Variants in CDH19 observed in about 807,000 individuals in gnomAD.
CDH19 encodes the protein cadherin 19.
In CDH19, 67 loss-of-function variants were observed where a neutral mutation model predicts 64.2. The observed-to-expected ratio is 1.04, with a 90% CI of 0.86 to 1.28. The LOEUF (loss-of-function observed/expected upper bound fraction) is 1.28. Among genes scored for constraint, CDH19 ranks in the 50% most tolerant of loss-of-function variants. CDH19 has a pLI of 0.00. For missense variants in CDH19, 1,030 were observed against 929.0 expected (o/e 1.11, Z -1.41); for synonymous variants, 346 against 319.3 (o/e 1.08, Z -0.89).
intron 9 of CDH19, among the ~76,000 whole-genome samples, chr18:66,512,433 T>A (rs1985535849): frequency 6.6e-6 from 1 of 151,502 alleles, no homozygotes; most frequent in Non-Finnish European, 1.5e-5. Flanking sequence ...TTAAAGTAAA[T>A]TGATTATAGA....
At chr18:66,554,579 C>A in intron 3 of CDH19, 55 bp from the exon 4 acceptor site, 1 of 1,512,016 alleles carries the variant, frequency 6.6e-7, no homozygotes, top group African/African-American at 1.4e-5. Context: ...AGGATGAATT[C>A]AGTTCTGTGA....
chr18:66,533,087 G>A (rs1160733788), intron 8 of CDH19, among the ~76,000 whole-genome samples: 1 of 151,930 alleles, frequency 6.6e-6, no homozygotes, highest in African/African-American at 2.4e-5. Flanking sequence ...TTCTACCTTT[G>A]AGGGGAGGTT....
chr18:66,575,766 T>C (rs1229854665), intron 1 of CDH19, among the ~76,000 whole-genome samples: 1 of 151,656 alleles, frequency 6.6e-6, no homozygotes, highest in African/African-American at 2.4e-5. Flanking sequence ...TATGCAAAAA[T>C]AGAATCACCA....
At chr18:66,510,381 A>G (rs1008783153) in intron 10 of CDH19, among the ~76,000 whole-genome samples, 1 of 150,410 alleles carries the variant, frequency 6.6e-6, no homozygotes, top group Non-Finnish European at 1.5e-5. Context: ...GTATGCTTCA[A>G]TGTATTTATT....
chr18:66,538,938 T>C (rs1007987262), intron 7 of CDH19, among the ~76,000 whole-genome samples: 6 of 152,094 alleles, frequency 3.9e-5, no homozygotes, highest in Non-Finnish European at 8.8e-5. Flanking sequence ...GACCTTATCT[T>C]AACTAGTTAC....
At chr18:66,585,269 T>C (rs1988543398) in intron 1 of CDH19, among the ~76,000 whole-genome samples, 1 of 152,096 alleles carries the variant, frequency 6.6e-6, no homozygotes, top group Admixed American at 6.6e-5. Context: ...TAAATAAATG[T>C]TATTTTGCAC....
chr18:66,535,254 T>A (rs567516892), intron 7 of CDH19, 147 bp from the exon 8 acceptor site: 1 of 400,476 alleles, frequency 2.5e-6, no homozygotes, highest in East Asian at 3.8e-5. Flanking sequence ...AAACAGTATA[T>A]TCCTGTATTT....
In CDH19 at chr18:66,501,753, A is replaced by C. The variant is rs1568165132; in HGVS notation, c.*3059T>G. The C allele has an allele frequency of 1.3e-5, 2 of 152,140 alleles. No individual in the cohort carries two copies. Among genetic ancestry groups the C allele is most frequent in the South Asian group, 2.1e-4 (1 of 4,830 alleles). The allele number at this position is 152,140 out of a possible 1,614,324, so 9.4% of individuals were successfully genotyped here. A position where few individuals can be genotyped will look rare whatever the true frequency, so the allele number is the denominator to read the frequency against. On this transcript the variant is annotated 3_prime_UTR_variant, in exon 12 of 12. Transcript: ENST00000262150. ...TATCTTATTATTAATTCTTCATAACAACCATGTGAAATAGGTTGATTGGAC... is the reference window on the plus strand; with the variant it reads ...TATCTTATTATTAATTCTTCATAACCACCATGTGAAATAGGTTGATTGGAC...
At chr18:66,526,207 A>G (rs561842411) in intron 9 of CDH19, among the ~76,000 whole-genome samples, 1 of 152,216 alleles carries the variant, frequency 6.6e-6, no homozygotes, top group South Asian at 2.1e-4. Context: ...TTGCTACATT[A>G]TATGATGTTG....
intron 7 of CDH19, among the ~76,000 whole-genome samples, chr18:66,539,975 G>A (rs1461292466): frequency 6.6e-6 from 1 of 151,924 alleles, no homozygotes; most frequent in Non-Finnish European, 1.5e-5. Context: ...TAAATGTATA[G>A]GCATAGCATT....
rs1464752108 is a variant in CDH19 at position 66,502,688 on chromosome 18, C to T, written c.*2124G>A. 6.6e-6 allele frequency: 1 copy of T among 151,814 alleles called. No individual in the cohort carries two copies. The highest frequency in any genetic ancestry group is 1.5e-5 in the Non-Finnish European group (1 of 67,856). 9.4% of individuals were successfully genotyped at this position (151,814 alleles called of 1,614,324 possible). ...AATGTGATAGAAATGTAAATGTTCT[C>T]TCGATTTGTGCATTTCTATTTGACT... On this transcript the variant is annotated 3_prime_UTR_variant, in exon 12 of 12. Coordinates refer to ENST00000262150, the MANE Select transcript of CDH19 (RefSeq NM_021153.4).
At chr18:66,515,945 G>A (rs1598971076) in intron 9 of CDH19, among the ~76,000 whole-genome samples, 1 of 151,766 alleles carries the variant, frequency 6.6e-6, no homozygotes, top group East Asian at 1.9e-4. Flanking sequence ...ACATTCTAGT[G>A]GTGAAGAAGA....
intron 8 of CDH19, among the ~76,000 whole-genome samples, chr18:66,533,721 T>C (rs1986546286): frequency 6.6e-6 from 1 of 152,010 alleles, no homozygotes; most frequent in Non-Finnish European, 1.5e-5. Context: ...ACGAACTTCA[T>C]TTGCTGGAAA....
intron 9 of CDH19, among the ~76,000 whole-genome samples, chr18:66,528,312 G>A (rs1250405322): frequency 1.3e-5 from 2 of 152,188 alleles, no homozygotes; most frequent in South Asian, 2.1e-4. Context: ...TTCTGCAGGA[G>A]CCATGGGTCC....
intron 11 of CDH19, among the ~76,000 whole-genome samples, chr18:66,505,573 TATA>T (rs1985158156): frequency 6.8e-6 from 1 of 147,192 alleles, no homozygotes; most frequent in Non-Finnish European, 1.5e-5. Context: ...ATATATATAA[TATA>T]ATATATATAG....
chr18:66,576,019 T>C (rs1988256326), intron 1 of CDH19, among the ~76,000 whole-genome samples: 1 of 151,532 alleles, frequency 6.6e-6, no homozygotes, highest in Admixed American at 6.6e-5. Flanking sequence ...CATGCGCATA[T>C]AATAAACCTA....
intron 1 of CDH19, among the ~76,000 whole-genome samples, chr18:66,597,018 C>G (rs1306326999): frequency 7.8e-6 from 1 of 128,520 alleles, no homozygotes; most frequent in Non-Finnish European, 1.6e-5. Context: ...GGAGGCGGAG[C>G]TTGCAGTGAG....
At chr18:66,599,914 G>T (rs893450827) in intron 1 of CDH19, among the ~76,000 whole-genome samples, 3 of 151,802 alleles carry the variant, frequency 2.0e-5, no homozygotes, top group Non-Finnish European at 4.4e-5. Flanking sequence ...TACGTCCAAG[G>T]GTTGTATGTA....
intron 9 of CDH19, among the ~76,000 whole-genome samples, chr18:66,523,988 C>T (rs1487276473): frequency 3.3e-5 from 5 of 151,876 alleles, no homozygotes; most frequent in African/African-American, 9.7e-5. Flanking sequence ...TGAATGTGCG[C>T]CACGAAGCAT....
Sources: allele counts gnomAD v4.1 joint callset (sites outside exome capture counted in the v4.1 genomes callset), GRCh38; gene constraint gnomAD v4.1.1; transcripts MANE v1.5; gene names NCBI Gene and HGNC (gene_info 2026-07-23, HGNC 2026-07-21).